EYS: variants seen among roughly 807,000 people sequenced by gnomAD.
EYS encodes EGF-like photoreceptor maintenance factor.
Under a neutral mutation model 282.1 loss-of-function variants are expected in EYS, and 250 were observed. The observed-to-expected ratio is 0.89, with a 90% CI of 0.80 to 0.98. EYS has a LOEUF of 0.98. Among genes scored for constraint, EYS ranks in the 50% least tolerant of loss-of-function variants. The pLI is 0.00. For missense variants in EYS, 4,016 were observed against 3,709.0 expected, an observed-to-expected ratio of 1.08 and a Z score of -2.15; for synonymous variants, 1,355 against 1,282.9, an observed-to-expected ratio of 1.06 and a Z score of -1.20.
At chr6:65,131,514 C>T (rs766043022) in intron 12 of EYS, among the ~76,000 whole-genome samples, 6 of 151,748 alleles carry the variant, frequency 4.0e-5, no homozygotes, top group Admixed American at 6.6e-5. Context: ...GCAGAAATCA[C>T]GAAGTTCTTT....
chr6:63,785,630 T>C (rs556706507), intron 39 of EYS, among the ~76,000 whole-genome samples: 1 of 152,326 alleles, frequency 6.6e-6, no homozygotes, highest in South Asian at 2.1e-4. Flanking sequence ...AAGCCATTTT[T>C]TAGAACAAAA....
At chr6:64,347,738 T>C (rs1349667400) in intron 29 of EYS, among the ~76,000 whole-genome samples, 5 of 151,334 alleles carry the variant, frequency 3.3e-5, no homozygotes. Flanking sequence ...AATCTCCATT[T>C]CTCCTTATAT....
intron 28 of EYS, among the ~76,000 whole-genome samples, chr6:64,403,481 C>G (rs1402914129): frequency 6.6e-6 from 1 of 152,020 alleles, no homozygotes; most frequent in Non-Finnish European, 1.5e-5. Context: ...CTCAGCCTCC[C>G]AAGTAGCTGG....
chr6:65,599,204 A>G (rs1733587697), intron 2 of EYS, among the ~76,000 whole-genome samples: 3 of 152,064 alleles, frequency 2.0e-5, no homozygotes, highest in Admixed American at 1.3e-4. Flanking sequence ...ACCCACCTAT[A>G]GTGATGGCCA....
At chr6:64,144,466 G>T (rs985367691) in intron 31 of EYS, among the ~76,000 whole-genome samples, 7 of 152,142 alleles carry the variant, frequency 4.6e-5, no homozygotes, top group African/African-American at 1.4e-4. Flanking sequence ...ACTTCAATTT[G>T]CTATGAAGCA....
intron 29 of EYS, among the ~76,000 whole-genome samples, chr6:64,344,267 T>C (rs1771272375): frequency 6.6e-6 from 1 of 151,976 alleles, no homozygotes; most frequent in African/African-American, 2.4e-5. Flanking sequence ...AAGAGGATTT[T>C]AGACCAATAT....
At chr6:65,697,347 A>G (rs1250281834) in intron 1 of EYS, among the ~76,000 whole-genome samples, 1 of 152,116 alleles carries the variant, frequency 6.6e-6, no homozygotes, top group Non-Finnish European at 1.5e-5. Flanking sequence ...CTTTTACATT[A>G]AGTGTTTACT....
At chr6:64,735,801 T>C (rs1225867202) in intron 22 of EYS, among the ~76,000 whole-genome samples, 1 of 152,084 alleles carries the variant, frequency 6.6e-6, no homozygotes, top group Non-Finnish European at 1.5e-5. Flanking sequence ...AATTTACTAA[T>C]GTGTATAATA....
intron 29 of EYS, among the ~76,000 whole-genome samples, chr6:64,356,188 GT>G (rs1247469411): frequency 4.0e-5 from 6 of 151,420 alleles, no homozygotes; most frequent in Non-Finnish European, 8.9e-5. Context: ...TGCCATTTAT[GT>G]TTTTATATTT....
chr6:64,656,211 CTA>C lies in EYS; in HGVS notation c.3444-29968_3444-29967del, dbSNP rs1010156813. Among the ~76,000 whole-genome samples, 13 of 152,074 alleles carry C rather than the reference CTA, an allele frequency of 8.5e-5. No individual in the cohort carries two copies. In the East Asian group the frequency reaches 1.9e-3, roughly 23 times the overall value. On this transcript the variant is annotated intron_variant, in intron 22 of 42. Coordinates refer to ENST00000503581, the MANE Select transcript of EYS (RefSeq NM_001142800.2). ...ATCACAGAAAAAAAAATAAATGCTGCTATGTTTTACGATGGTGTCTAATGAGA... is the reference window on the plus strand; with the variant it reads ...ATCACAGAAAAAAAAATAAATGCTGCTGTTTTACGATGGTGTCTAATGAGA...
At chr6:64,678,554 G>A (rs1769778009) in intron 22 of EYS, among the ~76,000 whole-genome samples, 1 of 152,104 alleles carries the variant, frequency 6.6e-6, no homozygotes, top group African/African-American at 2.4e-5. Flanking sequence ...CTCCAGCCTG[G>A]GCAACAGAGC....
intron 31 of EYS, among the ~76,000 whole-genome samples, chr6:64,204,945 A>G (rs1765571972): frequency 6.6e-6 from 1 of 152,168 alleles, no homozygotes; most frequent in Non-Finnish European, 1.5e-5. Context: ...AAATGTATCA[A>G]AAAATGCACT....
chr6:63,807,027 G>A (rs955302727), intron 36 of EYS: 1 of 152,136 alleles, frequency 6.6e-6, no homozygotes, highest in Admixed American at 6.6e-5. Flanking sequence ...TTAAAAACAG[G>A]AAATGGTAAA....
At chr6:64,342,690 G>C (rs1771174755) in intron 29 of EYS, among the ~76,000 whole-genome samples, 1 of 152,016 alleles carries the variant, frequency 6.6e-6, no homozygotes, top group Non-Finnish European at 1.5e-5. Flanking sequence ...ACATCATAAT[G>C]ACAGGATCAA....
intron 2 of EYS, among the ~76,000 whole-genome samples, chr6:65,530,455 T>C (rs1392285374): frequency 1.3e-5 from 2 of 152,202 alleles, no homozygotes; most frequent in Non-Finnish European, 2.9e-5. Flanking sequence ...ATCAGGATTG[T>C]GTCAAAGATT....
At chr6:64,496,299 C>A (rs1371926880) in intron 26 of EYS, among the ~76,000 whole-genome samples, 1 of 151,908 alleles carries the variant, frequency 6.6e-6, no homozygotes, top group African/African-American at 2.4e-5. Context: ...TTAAAAATTA[C>A]AACTGGATTA....
chr6:64,240,023 T>C (rs980913130), intron 30 of EYS, among the ~76,000 whole-genome samples: 5 of 152,304 alleles, frequency 3.3e-5, no homozygotes, highest in South Asian at 4.1e-4. Flanking sequence ...CCTTTCCCCA[T>C]TGCTTGTTTT....
intron 12 of EYS, among the ~76,000 whole-genome samples, chr6:65,146,072 AC>A (rs1230578095): frequency 6.6e-6 from 1 of 151,804 alleles, no homozygotes; most frequent in Non-Finnish European, 1.5e-5. Context: ...AGTTTTGACT[AC>A]TTTTTTGGTC....
chr6:64,519,031 C>T (rs1179196184), intron 26 of EYS, among the ~76,000 whole-genome samples: 2 of 151,698 alleles, frequency 1.3e-5, no homozygotes, highest in African/African-American at 4.8e-5. Context: ...CCAGAAGCAG[C>T]TAGAGAACTG....
Sources: allele counts gnomAD v4.1 joint callset (sites outside exome capture counted in the v4.1 genomes callset), GRCh38; gene constraint gnomAD v4.1.1; transcripts MANE v1.5; gene names NCBI Gene and HGNC (gene_info 2026-07-23, HGNC 2026-07-21).